The following PHF24 variants were observed in gnomAD, a reference collection of about 807,000 sequenced individuals.
PHF24 encodes the protein PHD finger protein 24.
PHF24 carries 25 observed loss-of-function variants against 42.6 expected under a neutral mutation model. The ratio of observed to expected loss-of-function variants is 0.59; its 90% CI spans 0.43 to 0.82. PHF24 has a LOEUF of 0.82. Ranked by LOEUF, PHF24 falls within the 40% of genes least tolerant of loss-of-function variation. PHF24 has a pLI of 0.00. For synonymous variants in PHF24, 185 were observed against 204.8 expected, an observed-to-expected ratio of 0.90 and a Z score of 0.83; for missense variants, 470 against 538.1, an observed-to-expected ratio of 0.87 and a Z score of 1.25.
At chr9:34,723,692 C>T in the PHF24 span, 2 of 1,551,582 alleles carry the variant, frequency 1.3e-6, no homozygotes, top group Admixed American at 3.9e-5. Flanking sequence ...CAAAGTTTGG[C>T]CCTGCAAAGG....
chr9:34,813,915 G>A, the PHF24 span, among the ~76,000 whole-genome samples: 3 of 152,230 alleles, frequency 2.0e-5, no homozygotes, highest in South Asian at 6.2e-4. Flanking sequence ...AGAGGTTTAG[G>A]TTCACCATTT....
chr9:34,959,529 A>C (rs1826515610), intron 1 of PHF24, among the ~76,000 whole-genome samples: 1 of 152,228 alleles, frequency 6.6e-6, no homozygotes, highest in Admixed American at 6.5e-5. Context: ...TTTGTTAATA[A>C]GTTGCATTAA....
chr9:34,803,895 A>G, the PHF24 span, among the ~76,000 whole-genome samples: 2 of 152,152 alleles, frequency 1.3e-5, no homozygotes, highest in Non-Finnish European at 2.9e-5. Context: ...TAAAAAATAC[A>G]TTTTTCACAT....
At chr9:34,723,452 C>A in the PHF24 span, 1 of 1,551,810 alleles carries the variant, frequency 6.4e-7, no homozygotes, top group Non-Finnish European at 8.7e-7. Flanking sequence ...CGTCTTACTT[C>A]TCCCCACAGG....
At chr9:34,936,075 G>A in the PHF24 span, among the ~76,000 whole-genome samples, 18 of 118,654 alleles carry the variant, frequency 1.5e-4, no homozygotes, top group African/African-American at 4.6e-4. Context: ...CTCTCCCCAC[G>A]GTCTCCCTCT....
exon 7 of PHF24, chr9:34,977,632 A>G (rs1466307158): frequency 1.3e-6 from 2 of 1,597,630 alleles, no homozygotes; most frequent in Non-Finnish European, 8.5e-7. Flanking sequence ...CCCACAGAGC[A>G]GGAGTCCAGG....
chr9:34,869,645 C>T, the PHF24 span, among the ~76,000 whole-genome samples: 2 of 151,316 alleles, frequency 1.3e-5, no homozygotes, highest in South Asian at 2.1e-4. Flanking sequence ...GTTTTGTATA[C>T]ACACACACAC....
chr9:34,922,902 A>G, the PHF24 span: 4 of 1,544,000 alleles, frequency 2.6e-6, no homozygotes, highest in African/African-American at 5.5e-5. Flanking sequence ...GGCCTTCTGA[A>G]CCAGCTCATT....
the PHF24 span, among the ~76,000 whole-genome samples, chr9:34,866,024 G>A: frequency 6.6e-6 from 1 of 152,162 alleles, no homozygotes; most frequent in East Asian, 1.9e-4. Flanking sequence ...CTATTCAATT[G>A]GTCAAAGACA....
At chr9:34,956,266 TTG>T (rs960320624), upstream of PHF24, among the ~76,000 whole-genome samples, 4 of 151,748 alleles carry the variant, frequency 2.6e-5, no homozygotes, top group Non-Finnish European at 5.9e-5. Flanking sequence ...CAATGTACTT[TTG>T]TGTGTGTGTG....
chr9:34,740,085 G>A, the PHF24 span, among the ~76,000 whole-genome samples: 7 of 152,118 alleles, frequency 4.6e-5, no homozygotes, highest in South Asian at 2.1e-4. Flanking sequence ...AACTAGATAC[G>A]GAGTGCCGAT....
At chr9:34,707,505 A>G in the PHF24 span, among the ~76,000 whole-genome samples, 1 of 152,182 alleles carries the variant, frequency 6.6e-6, no homozygotes, top group Non-Finnish European at 1.5e-5. Context: ...TATTTCTTGC[A>G]TATCTGAGTT....
chr9:34,818,514 C>T, the PHF24 span, among the ~76,000 whole-genome samples: 1 of 152,124 alleles, frequency 6.6e-6, no homozygotes, highest in African/African-American at 2.4e-5. Context: ...CCTTGCATTC[C>T]CATGGCGTAC....
the PHF24 span, among the ~76,000 whole-genome samples, chr9:34,728,997 C>T: frequency 3.9e-5 from 6 of 152,074 alleles, no homozygotes; most frequent in Non-Finnish European, 7.4e-5. Context: ...GCCCACCAAC[C>T]GGAAAAATCC....
chr9:34,684,306 T>A, the PHF24 span, among the ~76,000 whole-genome samples: 1 of 152,172 alleles, frequency 6.6e-6, no homozygotes, highest in Admixed American at 6.6e-5. Flanking sequence ...TGAGGGGTTT[T>A]CCCAGGGCTG....
chr9:34,835,587 G>T, the PHF24 span: 2 of 1,551,654 alleles, frequency 1.3e-6, no homozygotes, highest in African/African-American at 1.4e-5. Flanking sequence ...GGGTTGCTCT[G>T]CTCATCTCCT....
chr9:34,885,066 T>C, the PHF24 span, among the ~76,000 whole-genome samples: 1 of 152,220 alleles, frequency 6.6e-6, no homozygotes, highest in East Asian at 1.9e-4. Context: ...TCACTCTGTG[T>C]CTTCCTCCTA....
the PHF24 span, chr9:34,726,762 T>C: frequency 6.4e-7 from 1 of 1,551,684 alleles, no homozygotes; most frequent in East Asian, 2.4e-5. Context: ...AGCTCTCTGG[T>C]GTGCCAGGAA....
the PHF24 span, chr9:34,917,717 A>T: frequency 1.3e-6 from 1 of 797,908 alleles, no homozygotes; most frequent in Non-Finnish European, 2.3e-6. Context: ...GGCTCATTAC[A>T]GCGCCTGCTT....
Sources: allele counts gnomAD v4.1 joint callset (sites outside exome capture counted in the v4.1 genomes callset), GRCh38; gene constraint gnomAD v4.1.1; transcripts MANE v1.5; gene names NCBI Gene and HGNC (gene_info 2026-07-23, HGNC 2026-07-21).